The following NCKAP5 variants were observed in gnomAD, a reference collection of about 807,000 sequenced individuals.
The protein encoded by NCKAP5 is NCK associated protein 5.
A neutral mutation model predicts 167.0 loss-of-function variants in NCKAP5; 92 were observed. The ratio of observed to expected loss-of-function variants is 0.55; its 90% CI spans 0.47 to 0.66. The LOEUF is 0.66. Among genes scored for constraint, NCKAP5 ranks in the 30% least tolerant of loss-of-function variants. The pLI is 0.00. For synonymous variants in NCKAP5, 891 were observed against 877.4 expected (o/e 1.02, Z -0.27); for missense variants, 2,378 against 2,315.0 (o/e 1.03, Z -0.56).
intron 19 of NCKAP5, among the ~76,000 whole-genome samples, chr2:132,675,448 G>A (rs1353063242): frequency 1.3e-5 from 2 of 152,186 alleles, no homozygotes; most frequent in African/African-American, 4.8e-5. Flanking sequence ...TAGAATGGTG[G>A]TTCTCAAAGT....
chr2:133,196,209 G>A (rs1368846561), intron 5 of NCKAP5, among the ~76,000 whole-genome samples: 1 of 152,150 alleles, frequency 6.6e-6, no homozygotes, highest in Non-Finnish European at 1.5e-5. Flanking sequence ...GGAAATGATG[G>A]GTGAGAGAAA....
intron 15 of NCKAP5, 59 bp downstream of exon 15, chr2:132,780,993 G>A: frequency 1.3e-6 from 2 of 1,531,160 alleles, no homozygotes; most frequent in Admixed American, 2.0e-5. Flanking sequence ...ACGGTAGAAA[G>A]ACCCCAGCCA....
chr2:133,472,578 A>G (rs953997976), intron 3 of NCKAP5, among the ~76,000 whole-genome samples: 1 of 152,062 alleles, frequency 6.6e-6, no homozygotes, highest in African/African-American at 2.4e-5. Context: ...TTCGGCCCTT[A>G]GTAAGCTCAT....
rs144553128 is a variant in NCKAP5 at position 132,730,609 on chromosome 2, G to A, written c.5443+1128C>T. On this transcript the variant is annotated intron_variant, in intron 17 of 19. Coordinates refer to ENST00000409261, the MANE Select transcript of NCKAP5 (RefSeq NM_207363.3). ...CCTTATGAAGCAATTCAAGACTTGC[G>A]GTTTCTATTCAATTTGTTATAATGA... 3.0e-3 allele frequency among the ~76,000 whole-genome samples: 462 copies of A among 152,286 alleles called. 2 individuals carry two copies. Among genetic ancestry groups the A allele is most frequent in the African/African-American group, 0.011 (439 of 41,562 alleles).
intron 11 of NCKAP5, 59 bp downstream of exon 11, chr2:132,860,433 A>T: frequency 6.5e-7 from 1 of 1,536,464 alleles, no homozygotes; most frequent in East Asian, 2.5e-5. Flanking sequence ...TCTGAACTTA[A>T]GTAACTTCCT....
At chr2:132,813,900 C>T (rs772077679) in intron 11 of NCKAP5, among the ~76,000 whole-genome samples, 80 of 152,266 alleles carry the variant, frequency 5.3e-4, no homozygotes, top group African/African-American at 1.7e-3. Flanking sequence ...CCTTCACAGC[C>T]TGCAATATTG....
At chr2:133,637,230 A>G in the NCKAP5 span, among the ~76,000 whole-genome samples, 1 of 151,936 alleles carries the variant, frequency 6.6e-6, no homozygotes, top group African/African-American at 2.4e-5. Context: ...TGGGGCTCAC[A>G]TTTACACAAA....
intron 8 of NCKAP5, among the ~76,000 whole-genome samples, chr2:132,939,521 G>T (rs148527315): frequency 3.9e-5 from 6 of 152,216 alleles, no homozygotes; most frequent in South Asian, 4.1e-4. Flanking sequence ...GTTTGTTCAA[G>T]TGCTGTAAGA....
At chr2:133,519,463 C>T (rs1439994896) in intron 2 of NCKAP5, among the ~76,000 whole-genome samples, 1 of 152,182 alleles carries the variant, frequency 6.6e-6, no homozygotes, top group African/African-American at 2.4e-5. Flanking sequence ...GCTGTTCCTG[C>T]CTACTTTGTA....
intron 19 of NCKAP5, among the ~76,000 whole-genome samples, chr2:132,686,291 T>C (rs1285358433): frequency 6.6e-6 from 1 of 152,218 alleles, no homozygotes; most frequent in Admixed American, 6.5e-5. Flanking sequence ...GTGCTCTGGA[T>C]TGTACATCTT....
At chr2:133,526,295 AGGAGGGAGGGAGGGAAGGAGGGAGGGAG>A (rs1388838770) in intron 2 of NCKAP5, among the ~76,000 whole-genome samples, 1 of 32,320 alleles carries the variant, frequency 3.1e-5, no homozygotes, top group Non-Finnish European at 5.4e-5. Flanking sequence ...GAGGGAGGGA[AGGAGGGAGGGAGGGAAGGAGGGAGGGAG>A]GGAAGGAGGG....
intron 8 of NCKAP5, among the ~76,000 whole-genome samples, chr2:132,952,683 A>T (rs143003003): frequency 2.0e-5 from 3 of 152,202 alleles, no homozygotes; most frequent in Admixed American, 1.3e-4. Flanking sequence ...GCTTCCTCAC[A>T]TCAATAGTGA....
chr2:133,144,632 G>C (rs2083119154), intron 5 of NCKAP5, among the ~76,000 whole-genome samples: 1 of 152,156 alleles, frequency 6.6e-6, no homozygotes, highest in Non-Finnish European at 1.5e-5. Flanking sequence ...TTTCAGCAGT[G>C]CTGAAAATCA....
At chr2:133,359,128 A>G (rs1684927125) in intron 3 of NCKAP5, among the ~76,000 whole-genome samples, 1 of 152,236 alleles carries the variant, frequency 6.6e-6, no homozygotes, top group East Asian at 1.9e-4. Context: ...AGAAACATTG[A>G]CATTCCTTTA....
chr2:133,368,644 G>A (rs1253381482), intron 3 of NCKAP5, among the ~76,000 whole-genome samples: 1 of 152,156 alleles, frequency 6.6e-6, no homozygotes, highest in African/African-American at 2.4e-5. Flanking sequence ...ATTTCTCCAG[G>A]CTGCATTTTG....
intron 5 of NCKAP5, among the ~76,000 whole-genome samples, chr2:133,173,869 A>G (rs2084347836): frequency 6.6e-6 from 1 of 152,250 alleles, no homozygotes; most frequent in African/African-American, 2.4e-5. Context: ...TGACAGATTT[A>G]CCAAAAATCT....
intron 6 of NCKAP5, among the ~76,000 whole-genome samples, chr2:133,085,518 G>T (rs72998840): frequency 0.03 from 4,586 of 152,228 alleles, 216 homozygotes; most frequent in African/African-American, 0.1. Flanking sequence ...GGGATTGACT[G>T]GGGGAAGTTA....
intron 7 of NCKAP5, among the ~76,000 whole-genome samples, chr2:132,969,794 C>T (rs914645539): frequency 3.9e-5 from 6 of 152,198 alleles, no homozygotes; most frequent in African/African-American, 7.2e-5. Flanking sequence ...AAGCCACATC[C>T]GCATGCTGCT....
At chr2:133,186,389 T>C (rs1303403236) in intron 5 of NCKAP5, among the ~76,000 whole-genome samples, 1 of 152,158 alleles carries the variant, frequency 6.6e-6, no homozygotes, top group African/African-American at 2.4e-5. Context: ...GCATCTATGT[T>C]CATCAGGGAT....
Sources: gnomAD v4.1 joint callset for allele counts (sites outside exome capture counted in the v4.1 genomes callset) on GRCh38, gnomAD v4.1.1 for gene constraint, MANE v1.5 for transcripts, NCBI Gene and HGNC (gene_info 2026-07-23, HGNC 2026-07-21) for gene names.